Variants in SH2B1 observed in about 807,000 individuals in gnomAD.
SH2B1 encodes the protein SH2B adapter protein 1.
A neutral mutation model predicts 62.6 loss-of-function variants in SH2B1; 15 were observed. That is an observed-to-expected ratio of 0.24 (90% CI 0.16 to 0.37). The LOEUF is 0.37. Ranked by LOEUF, SH2B1 falls within the 10% of genes least tolerant of loss-of-function variation. The probability of loss-of-function intolerance (pLI) is 1.00; values close to 1 mark genes in which losing one functional copy is unlikely to be tolerated. For missense variants in SH2B1, 925 were observed against 1,015.6 expected (o/e 0.91, Z 1.21); for synonymous variants, 443 against 438.0 (o/e 1.01, Z -0.14).
intron 1 of SH2B1, among the ~76,000 whole-genome samples, chr16:28,849,721 G>C (rs1201499878): frequency 6.6e-6 from 1 of 152,124 alleles, no homozygotes; most frequent in Non-Finnish European, 1.5e-5. Context: ...GAGGCCAGGA[G>C]TTCGAGACCA....
At chr16:28,867,109 C>T in intron 1 of SH2B1, 76 bp downstream of exon 1, 3 of 1,579,642 alleles carry the variant, frequency 1.9e-6, no homozygotes, top group Non-Finnish European at 2.6e-6. Context: ...TGCAGATAAG[C>T]TCTGGGGTTT....
At chr16:28,853,093 CAT>C (rs1377344686) in intron 1 of SH2B1, among the ~76,000 whole-genome samples, 4 of 104,506 alleles carry the variant, frequency 3.8e-5, no homozygotes, top group Admixed American at 1.2e-4. Context: ...TATATTTATA[CAT>C]ATATATTTAT....
At chr16:28,856,078 C>T (rs1962318085) in intron 1 of SH2B1, among the ~76,000 whole-genome samples, 1 of 146,522 alleles carries the variant, frequency 6.8e-6, no homozygotes, top group Non-Finnish European at 1.5e-5. Context: ...AGTTAAAGAC[C>T]AGCCTGGCCA....
In SH2B1 at chr16:28,866,058, C is replaced by T. The variant is rs750638735; in HGVS notation, c.-37C>T. On this transcript the variant is annotated 5_prime_UTR_variant, in exon 1 of 8. Transcript: ENST00000684370. The surrounding 1 kb of genome is among the most constrained non-coding windows in gnomAD (Gnocchi z 6.3). Reference sequence around the variant, plus strand: ...CTTCTGGCTGCCTCCCTCTTTGTGCCCCACAGGCTCCCCCTCTCCACCTCC... The same window carrying T: ...CTTCTGGCTGCCTCCCTCTTTGTGCTCCACAGGCTCCCCCTCTCCACCTCC... The T allele has an allele frequency of 8.0e-6, 12 of 1,508,214 alleles. No individual in the cohort carries two copies. Among genetic ancestry groups the T allele is most frequent in the Non-Finnish European group, 6.2e-6 (7 of 1,136,776 alleles). The allele number at this position is 1,508,214 out of a possible 1,614,324, so 93.4% of individuals were successfully genotyped here.
intron 4 of SH2B1, among the ~76,000 whole-genome samples, chr16:28,871,567 C>T (rs775515139): frequency 1.3e-5 from 2 of 152,206 alleles, no homozygotes; most frequent in Admixed American, 6.5e-5. Flanking sequence ...GACTTTAGAA[C>T]CTCCTTGCAA....
chr16:28,866,175 G>C lies in SH2B1; in HGVS notation c.81G>C (p.Arg27=). Residue 27 remains arginine, a synonymous_variant, in exon 1 of 8, where the codon CGG becomes CGC. Coordinates refer to ENST00000684370, the MANE Select transcript of SH2B1 (RefSeq NM_001387430.1). This position sits in a 1 kb window ranked among gnomAD's most constrained non-coding sequence, Gnocchi z 6.3. The stretch of plus-strand genomic sequence containing the variant: ...CCCCACCCCCGCCCCCTAGTTGGCG[G>C]GAGTTCTGTGAGTCCCACGCCCGGG... ...PLPPPPPPSW[R]EFCESHARAA... The C allele has an allele frequency of 1.3e-6, 2 of 1,563,190 alleles. No homozygotes were observed. Among genetic ancestry groups the C allele is most frequent in the Non-Finnish European group, 1.7e-6 (2 of 1,156,338 alleles).
In SH2B1 at chr16:28,852,700, A is replaced by ATATT. The variant is rs1555509997; in HGVS notation, c.-301+5875_-301+5876insTTTA. ...TATATTTACATATATATTTATATAT[A>ATATT]TACATATATATTTACATATATATTT... On this transcript the variant is annotated intron_variant, in intron 1 of 10. Coordinates refer to the SH2B1 transcript ENST00000322610. 6.9e-4 allele frequency among the ~76,000 whole-genome samples: 33 copies of ATATT among 47,878 alleles called. 6 individuals are homozygous for ATATT. The highest frequency in any genetic ancestry group is 1.1e-3 in the Non-Finnish European group (24 of 21,094). 31.4% of individuals were successfully genotyped at this position (47,878 alleles called of 152,430 possible). A position where few individuals can be genotyped will look rare whatever the true frequency, so the allele number is the denominator to read the frequency against.
In SH2B1 at chr16:28,866,276, A is replaced by G; in HGVS notation, c.182A>G (p.Glu61Gly). 1 of 1,610,234 alleles carries G rather than the reference A, an allele frequency of 6.2e-7. No individual in the cohort carries two copies. The highest frequency in any genetic ancestry group is 8.5e-7 in the Non-Finnish European group (1 of 1,179,112). Residue 61 changes from glutamate to glycine, a missense_variant, in exon 1 of 8, where the codon GAG becomes GGG. By Grantham distance (98) the Glu-to-Gly change is moderately conservative. Transcript: ENST00000684370. The surrounding 1 kb of genome is among the most constrained non-coding windows in gnomAD (Gnocchi z 6.3). ...CCCCAATATGCGGGGCCCGGGGCCGAGGCTGCCTTCTCCCGCCGTTTTGCT... is the reference window on the plus strand; with the variant it reads ...CCCCAATATGCGGGGCCCGGGGCCGGGGCTGCCTTCTCCCGCCGTTTTGCT... The part of the protein sequence containing the change: ...SHPQYAGPGA[E>G]AAFSRRFAEL...
chr16:28,857,146 G>A (rs999242631), intron 1 of SH2B1, among the ~76,000 whole-genome samples: 3 of 152,000 alleles, frequency 2.0e-5, no homozygotes, highest in Non-Finnish European at 4.4e-5. Flanking sequence ...AGCTGGACGC[G>A]GTGATGCACA....
chr16:28,848,613 G>A (rs1962035427), intron 1 of SH2B1, among the ~76,000 whole-genome samples: 1 of 151,240 alleles, frequency 6.6e-6, no homozygotes, highest in Non-Finnish European at 1.5e-5. Flanking sequence ...GACGGTCAGG[G>A]TGATTAAGGA....
intron 1 of SH2B1, among the ~76,000 whole-genome samples, chr16:28,857,971 C>T (rs1456825973): frequency 6.6e-6 from 1 of 152,004 alleles, no homozygotes; most frequent in African/African-American, 2.4e-5. Context: ...GATCTCCTGA[C>T]CTCGTGATCC....
In SH2B1 at chr16:28,866,513, C is replaced by T. The variant is rs1299086904; in HGVS notation, c.419C>T (p.Ser140Phe). ...AGPLPSSVSSSSTTSSKPKLK... is the reference protein window; with the variant it reads ...AGPLPSSVSSFSTTSSKPKLK... Reference sequence around the variant, plus strand: ...CCCCTCCCTTCCTCAGTCTCTTCCTCCTCTACAACCTCCTCCAAGCCGAAG... The same window carrying T: ...CCCCTCCCTTCCTCAGTCTCTTCCTTCTCTACAACCTCCTCCAAGCCGAAG... Residue 140 changes from serine to phenylalanine, a missense_variant, in exon 1 of 8, where the codon TCC becomes TTC. Ser to Phe is a radical substitution (Grantham distance 155). Transcript: ENST00000684370. This position sits in a 1 kb window ranked among gnomAD's most constrained non-coding sequence, Gnocchi z 6.3. The T allele has an allele frequency of 1.2e-6, 2 of 1,614,110 alleles. No individual in the cohort carries two copies. The highest frequency in any genetic ancestry group is 1.7e-5 in the Admixed American group (1 of 60,008).
intron 1 of SH2B1, among the ~76,000 whole-genome samples, chr16:28,853,424 C>T (rs1214136663): frequency 3.3e-5 from 5 of 149,860 alleles, no homozygotes; most frequent in East Asian, 4.0e-4. Context: ...AGGCTGGTCT[C>T]GAACTCCTGA....
Position 28,866,557 on chromosome 16 carries a change from C to G in SH2B1, c.463C>G (p.Leu155Val). The change falls in exon 1 of 8, where the codon CTG becomes GTG. Residue 155 changes from leucine to valine, a missense_variant. Leu to Val is a conservative substitution (Grantham distance 32, BLOSUM62 1). This residue lies in a region of SH2B1 where 683 missense variants were observed against 704.0 expected (regional missense o/e 0.97). Transcript: ENST00000684370. This position sits in a 1 kb window ranked among gnomAD's most constrained non-coding sequence, Gnocchi z 6.3. ...SKPKLKKRFS[L>V]RSVGRSVRGS... ...GCCGAAGCTCAAGAAGCGCTTTTCC[C>G]TGCGTTCAGTGGGTCGCTCTGTCCG... 6.2e-7 allele frequency: 1 copy of G among 1,614,086 alleles called. No individual in the cohort carries two copies. The highest frequency in any genetic ancestry group is 8.5e-7 in the Non-Finnish European group (1 of 1,180,030).
At position 28,865,819 on chromosome 16, in the gene SH2B1, G is replaced by A. The variant is rs938454489; in HGVS notation, c.-276G>A. On this transcript the variant is annotated 5_prime_UTR_variant, in exon 1 of 8. Coordinates refer to ENST00000684370, the MANE Select transcript of SH2B1 (RefSeq NM_001387430.1). The stretch of plus-strand genomic sequence containing the variant: ...GTGGCAGGCTCGGGGCAGGTTAGAC[G>A]CTGGGGAGCCAGTTGGCTGGGGCCT... 24 of 1,239,860 alleles carry A rather than the reference G, an allele frequency of 1.9e-5. No homozygotes were observed. In the African/African-American group the frequency reaches 2.8e-4, roughly 14 times the overall value. The allele number at this position is 1,239,860 out of a possible 1,614,324, so 76.8% of individuals were successfully genotyped here.
intron 1 of SH2B1, among the ~76,000 whole-genome samples, chr16:28,847,991 A>C (rs532062646): frequency 1.3e-5 from 2 of 151,566 alleles, no homozygotes; most frequent in Non-Finnish European, 2.9e-5. Flanking sequence ...ACGCCTGGCT[A>C]ATTTTAGTAT....
Position 28,872,884 on chromosome 16 carries a change from G to C in SH2B1, c.1897+179G>C. On this transcript the variant is annotated intron_variant, in intron 7 of 7. Transcript: ENST00000684370. The surrounding 1 kb of genome is among the most constrained non-coding windows in gnomAD (Gnocchi z 5.3). ...GGAAGGGAAAGAAATGCGCTGATAG[G>C]ACACAGGAAGGCAGAAGGCTCCTGG... is the stretch of plus-strand genomic sequence containing the variant. 4.7e-6 allele frequency: 4 copies of C among 842,256 alleles called. No homozygotes were observed. The highest frequency in any genetic ancestry group is 7.5e-6 in the Non-Finnish European group (4 of 532,370). 52.2% of individuals were successfully genotyped at this position (842,256 alleles called of 1,614,324 possible).
chr16:28,870,562 G>T (rs1962970170), intron 4 of SH2B1, among the ~76,000 whole-genome samples: 1 of 152,168 alleles, frequency 6.6e-6, no homozygotes, highest in African/African-American at 2.4e-5. Context: ...TGGGTTGGGG[G>T]AGTAATAGAA....
chr16:28,852,207 CATATATATATTTACAT>C (rs1567457999), intron 1 of SH2B1, among the ~76,000 whole-genome samples: 2 of 83,664 alleles, frequency 2.4e-5, no homozygotes, highest in African/African-American at 1.1e-4. Flanking sequence ...TATATATTTA[CATATATATATTTACAT>C]ATATATTTAC....
Sources: gnomAD v4.1 joint callset for allele counts (sites outside exome capture counted in the v4.1 genomes callset) on GRCh38, gnomAD v4.1.1 for gene constraint, gnomAD v4.1.1 regional missense constraint, Gnocchi (gnomAD v3.1) non-coding constraint, MANE v1.5 for transcripts, NCBI Gene and HGNC (gene_info 2026-07-23, HGNC 2026-07-21) for gene names.